Variants in PRR16 observed in about 807,000 individuals in gnomAD.
PRR16 encodes the protein protein Largen.
Under a neutral mutation model 18.2 loss-of-function variants are expected in PRR16, and 6 were observed. The ratio of observed to expected loss-of-function variants is 0.33; its 90% confidence interval spans 0.18 to 0.65. PRR16 has a LOEUF of 0.65. Ranked by LOEUF, PRR16 falls within the 30% of genes least tolerant of loss-of-function variation. The pLI is 0.74. For missense variants in PRR16, 412 were observed against 376.6 expected (o/e 1.09, Z -0.78); for synonymous variants, 151 against 147.8 (o/e 1.02, Z -0.16).
At chr5:120,630,388 T>G (rs897110470) in intron 1 of PRR16, among the ~76,000 whole-genome samples, 6 of 152,156 alleles carry the variant, frequency 3.9e-5, no homozygotes, top group Non-Finnish European at 7.3e-5. Context: ...TTATACATTT[T>G]GTCATTTTGG....
chr5:120,572,078 G>C (rs111403959), intron 1 of PRR16, among the ~76,000 whole-genome samples: 294 of 152,306 alleles, frequency 1.9e-3, no homozygotes, highest in African/African-American at 6.7e-3. Context: ...AGCTGTCGGT[G>C]TCTTAAGACC....
At chr5:120,772,553 C>T in the PRR16 span, among the ~76,000 whole-genome samples, 1 of 151,108 alleles carries the variant, frequency 6.6e-6, no homozygotes, top group African/African-American at 2.4e-5. Context: ...TTAAAAAATT[C>T]TGCCACATTT....
chr5:120,579,150 A>G (rs1753178247), intron 1 of PRR16, among the ~76,000 whole-genome samples: 1 of 152,078 alleles, frequency 6.6e-6, no homozygotes, highest in South Asian at 2.1e-4. Context: ...TCTGGATATT[A>G]TACTTCTGTC....
At chr5:120,485,637 T>A (rs1425985293) in intron 1 of PRR16, among the ~76,000 whole-genome samples, 1 of 152,070 alleles carries the variant, frequency 6.6e-6, no homozygotes, top group African/African-American at 2.4e-5. Flanking sequence ...AAATTATGCC[T>A]AGATTTAGTT....
intron 1 of PRR16, among the ~76,000 whole-genome samples, chr5:120,544,511 C>T (rs1263072568): frequency 6.6e-6 from 1 of 151,978 alleles, no homozygotes; most frequent in Non-Finnish European, 1.5e-5. Context: ...TATGTGTATG[C>T]ATGTGTGTAT....
intron 1 of PRR16, among the ~76,000 whole-genome samples, chr5:120,554,958 G>A (rs2112706187): frequency 6.6e-6 from 1 of 152,058 alleles, no homozygotes; most frequent in Admixed American, 6.6e-5. Flanking sequence ...CATTTGGGGA[G>A]CATGGTACTA....
chr5:120,737,338 T>TTTTA, the PRR16 span, among the ~76,000 whole-genome samples: 1 of 68,458 alleles, frequency 1.5e-5, no homozygotes, highest in African/African-American at 5.6e-5. Flanking sequence ...TTTTTTTTTT[T>TTTTA]ATGAAAGGGT....
rs1755277709 is a variant in PRR16 at position 120,637,526 on chromosome 5, A to G, written c.160-48428A>G. ...AGTAACCTGAATGGAATTGGAGACT[A>G]TTATTCTAAGTGAAGTAACTCAGGA... On this transcript the variant is annotated intron_variant, in intron 1 of 1. Transcript: ENST00000407149. Among the ~76,000 whole-genome samples, 4 of 152,100 alleles carry G rather than the reference A, an allele frequency of 2.6e-5. No homozygotes were observed. In the South Asian group the frequency reaches 8.3e-4, roughly 31 times the overall value.
At chr5:120,733,646 A>C in the PRR16 span, among the ~76,000 whole-genome samples, 1 of 152,096 alleles carries the variant, frequency 6.6e-6, no homozygotes, top group Non-Finnish European at 1.5e-5. Context: ...TCTCAGTAAC[A>C]TTGTTGTTAT....
At chr5:120,590,733 T>A (rs547867119) in intron 1 of PRR16, among the ~76,000 whole-genome samples, 2 of 152,172 alleles carry the variant, frequency 1.3e-5, no homozygotes, top group South Asian at 4.2e-4. Context: ...AGTAAAATTA[T>A]AACATGGTGT....
intron 1 of PRR16, among the ~76,000 whole-genome samples, chr5:120,671,277 A>T (rs749054692): frequency 2.0e-5 from 3 of 151,808 alleles, no homozygotes; most frequent in Non-Finnish European, 4.4e-5. Context: ...CAGATATCAG[A>T]GTTTCTTTTT....
chr5:120,759,853 CTTG>C, the PRR16 span, among the ~76,000 whole-genome samples: 3 of 151,842 alleles, frequency 2.0e-5, no homozygotes, highest in African/African-American at 7.3e-5. Flanking sequence ...CATAAATACA[CTTG>C]TTGTTAAAGT....
intron 1 of PRR16, among the ~76,000 whole-genome samples, chr5:120,611,105 G>A: frequency 6.6e-6 from 1 of 152,160 alleles, no homozygotes; most frequent in East Asian, 1.9e-4. Flanking sequence ...CCCTGCCCTA[G>A]AGATTTGTGG....
At chr5:120,722,915 C>G in the PRR16 span, among the ~76,000 whole-genome samples, 25 of 151,268 alleles carry the variant, frequency 1.7e-4, no homozygotes, top group Admixed American at 1.1e-3. Context: ...CTGAAAGTAT[C>G]TATCTCTATA....
At chr5:120,559,629 T>A (rs906157143) in intron 1 of PRR16, among the ~76,000 whole-genome samples, 17 of 151,924 alleles carry the variant, frequency 1.1e-4, no homozygotes, top group African/African-American at 3.9e-4. Context: ...TTGGCTGTTC[T>A]GGGTCTTTTG....
intron 1 of PRR16, among the ~76,000 whole-genome samples, chr5:120,502,242 T>C (rs1750485483): frequency 6.6e-6 from 1 of 150,938 alleles, no homozygotes; most frequent in Non-Finnish European, 1.5e-5. Flanking sequence ...TTTCCTTTTA[T>C]ATGTTTTCCT....
At chr5:120,676,392 C>T (rs996667940) in intron 1 of PRR16, among the ~76,000 whole-genome samples, 6 of 151,976 alleles carry the variant, frequency 3.9e-5, no homozygotes, top group South Asian at 2.1e-4. Context: ...GGCCCCGTTC[C>T]TGAATTTGGA....
chr5:120,555,583 C>G (rs924561600), intron 1 of PRR16, among the ~76,000 whole-genome samples: 2 of 151,590 alleles, frequency 1.3e-5, no homozygotes, highest in African/African-American at 4.8e-5. Context: ...AACACTCATC[C>G]CATCATGGAA....
the PRR16 span, among the ~76,000 whole-genome samples, chr5:120,794,148 C>T: frequency 6.6e-6 from 1 of 152,080 alleles, no homozygotes; most frequent in Non-Finnish European, 1.5e-5. Context: ...GAAAGATTTA[C>T]TTGCACTGCC....
Sources: gnomAD v4.1 joint callset for allele counts (sites outside exome capture counted in the v4.1 genomes callset) on GRCh38, gnomAD v4.1.1 for gene constraint, MANE v1.5 for transcripts, NCBI Gene and HGNC (gene_info 2026-07-23, HGNC 2026-07-21) for gene names.